PACRG: variants seen among roughly 807,000 people sequenced by gnomAD.
The protein encoded by PACRG is parkin coregulated.
In PACRG, 29 loss-of-function variants were observed where a neutral mutation model predicts 29.7. The observed-to-expected ratio is 0.98, with a 90% CI of 0.73 to 1.33. The LOEUF is 1.33. PACRG is among the 40% of genes most tolerant of loss of function. The pLI is 0.00. For synonymous variants in PACRG, 116 were observed against 118.7 expected, an observed-to-expected ratio of 0.98 and a Z score of 0.15; for missense variants, 279 against 316.2, an observed-to-expected ratio of 0.88 and a Z score of 0.89.
chr6:162,819,076 C>A (rs758255611), intron 2 of PACRG, among the ~76,000 whole-genome samples: 6 of 152,178 alleles, frequency 3.9e-5, no homozygotes, highest in Non-Finnish European at 7.3e-5. Flanking sequence ...ATGCCAGAGG[C>A]CTTTCTGCGT....
intron 4 of PACRG, among the ~76,000 whole-genome samples, chr6:163,206,374 C>T (rs1200387722): frequency 5.3e-5 from 8 of 152,166 alleles, no homozygotes; most frequent in Admixed American, 1.3e-4. Context: ...GAATACTATG[C>T]AGCCATGAAA....
chr6:162,988,270 T>G (rs905055235), intron 2 of PACRG, among the ~76,000 whole-genome samples: 9 of 152,174 alleles, frequency 5.9e-5, no homozygotes, highest in Admixed American at 3.9e-4. Flanking sequence ...GTTGTGAATT[T>G]CACTAGGGAC....
intron 2 of PACRG, among the ~76,000 whole-genome samples, chr6:163,061,353 A>C (rs559120435): frequency 6.6e-6 from 1 of 152,226 alleles, no homozygotes; most frequent in South Asian, 2.1e-4. Flanking sequence ...ATGATTCCCA[A>C]CTCACAATCT....
chr6:163,192,871 C>T (rs567312555), intron 4 of PACRG, among the ~76,000 whole-genome samples: 142 of 152,308 alleles, frequency 9.3e-4, no homozygotes, highest in Non-Finnish European at 1.6e-3. Flanking sequence ...AGGCAGCCAT[C>T]ACTCGATTTC....
chr6:163,111,714 G>A (rs974348473), intron 4 of PACRG, among the ~76,000 whole-genome samples: 1 of 152,158 alleles, frequency 6.6e-6, no homozygotes, highest in African/African-American at 2.4e-5. Context: ...TGTAATACCT[G>A]TGTTTCTGTG....
chr6:163,303,510 A>T (rs1240190557), intron 4 of PACRG, among the ~76,000 whole-genome samples: 2 of 152,186 alleles, frequency 1.3e-5, no homozygotes, highest in Non-Finnish European at 2.9e-5. Context: ...AGAGGTGGTT[A>T]CAATTATTTC....
intron 4 of PACRG, among the ~76,000 whole-genome samples, chr6:163,224,365 T>C (rs1454598498): frequency 3.4e-5 from 1 of 29,440 alleles, no homozygotes; most frequent in Non-Finnish European, 6.0e-5. Flanking sequence ...TGAGACTCCA[T>C]CTCAAAAAAA....
At position 163,065,531 on chromosome 6, in the gene PACRG, A is replaced by G. The variant is rs150592358; in HGVS notation, c.463+3210A>G. Among the ~76,000 whole-genome samples, 1,070 of 152,278 alleles carry G rather than the reference A, an allele frequency of 7.0e-3. 9 individuals are homozygous for G. The highest frequency in any genetic ancestry group is 0.019 in the African/African-American group (780 of 41,558). On this transcript the variant is annotated intron_variant, in intron 3 of 4. Coordinates refer to ENST00000366888, the MANE Select transcript of PACRG (RefSeq NM_001080379.2). ...AACTCTAACAATCTCTCTCCTCAAT[A>G]AAAGTGAGAACAGTAGCAACACTGC... is the stretch of plus-strand genomic sequence containing the variant.
At chr6:162,835,670 G>GT (rs1038956253) in intron 2 of PACRG, among the ~76,000 whole-genome samples, 5 of 151,884 alleles carry the variant, frequency 3.3e-5, no homozygotes, top group African/African-American at 7.2e-5. Flanking sequence ...AAAATCTGTG[G>GT]TTTTTTTTGT....
At chr6:163,207,476 A>G (rs1378424920) in intron 4 of PACRG, among the ~76,000 whole-genome samples, 1 of 152,210 alleles carries the variant, frequency 6.6e-6, no homozygotes, top group African/African-American at 2.4e-5. Flanking sequence ...CTTGGCTCAC[A>G]TTTGTGCTCA....
chr6:162,730,741 GA>G (rs1447355775), intron 1 of PACRG, among the ~76,000 whole-genome samples: 1 of 152,070 alleles, frequency 6.6e-6, no homozygotes, highest in Non-Finnish European at 1.5e-5. Flanking sequence ...TTCTTTCCAT[GA>G]AATTTTTGTT....
At chr6:162,727,361 C>G (rs1779303294), upstream of PACRG, 2 of 393,706 alleles carry the variant, frequency 5.1e-6, no homozygotes, top group East Asian at 6.1e-5. Context: ...CCCACACGGT[C>G]CGGGGGACCG....
intron 2 of PACRG, chr6:163,042,818 A>C (rs2128238607): frequency 6.6e-6 from 1 of 152,296 alleles, no homozygotes; most frequent in South Asian, 2.1e-4. Context: ...AAAACTTGTC[A>C]AGGTTTAGTT....
intron 2 of PACRG, among the ~76,000 whole-genome samples, chr6:163,059,945 T>C (rs553791641): frequency 1.6e-4 from 25 of 152,322 alleles, no homozygotes; most frequent in African/African-American, 6.0e-4. Flanking sequence ...TTTAACTTTA[T>C]TTATCTCTCA....
intron 4 of PACRG, among the ~76,000 whole-genome samples, chr6:163,092,105 A>G (rs1057309040): frequency 1.1e-4 from 16 of 152,242 alleles, no homozygotes; most frequent in African/African-American, 3.9e-4. Context: ...GAGACCAGAT[A>G]CAAATGACAA....
chr6:162,924,312 A>G (rs1321533701), intron 2 of PACRG, among the ~76,000 whole-genome samples: 1 of 152,004 alleles, frequency 6.6e-6, no homozygotes, highest in Non-Finnish European at 1.5e-5. Flanking sequence ...TTTTCTATAT[A>G]TAAGATCATG....
Position 163,065,031 on chromosome 6 carries a change from A to G in PACRG, c.463+2710A>G, listed in dbSNP as rs931159180. On this transcript the variant is annotated intron_variant, in intron 3 of 4. Transcript: ENST00000366888. ...TGGCTCTGGGGTTTCTAATATGATA[A>G]CAAACAAGAATCCACCGTTCTTTCT... Among the ~76,000 whole-genome samples the G allele has an allele frequency of 4.6e-5, 7 of 152,252 alleles. No homozygotes were observed. In the South Asian group the frequency reaches 1.5e-3, roughly 32 times the overall value.
intron 4 of PACRG, among the ~76,000 whole-genome samples, chr6:163,299,102 C>G (rs1443749811): frequency 6.6e-6 from 1 of 152,154 alleles, no homozygotes; most frequent in African/African-American, 2.4e-5. Flanking sequence ...CCACTCTAGT[C>G]CAATAATCTA....
At chr6:162,990,389 T>C (rs578173792) in intron 2 of PACRG, among the ~76,000 whole-genome samples, 6 of 150,854 alleles carry the variant, frequency 4.0e-5, no homozygotes, top group African/African-American at 1.5e-4. Flanking sequence ...CCACATCCTC[T>C]CCAGCACCTG....
Sources: allele counts gnomAD v4.1 joint callset (sites outside exome capture counted in the v4.1 genomes callset), GRCh38; gene constraint gnomAD v4.1.1; transcripts MANE v1.5; gene names NCBI Gene and HGNC (gene_info 2026-07-23, HGNC 2026-07-21).